Variants in FURIN observed in about 807,000 individuals in gnomAD.
The protein encoded by FURIN is furin, paired basic amino acid cleaving enzyme.
A neutral mutation model predicts 89.2 loss-of-function variants in FURIN; 18 were observed. That is an observed-to-expected ratio of 0.20 (90% CI 0.14 to 0.30). The LOEUF (loss-of-function observed/expected upper bound fraction) is 0.30, where lower values mean the gene tolerates loss of function less well. Ranked by LOEUF, FURIN falls within the 10% of genes least tolerant of loss-of-function variation. The pLI, the probability that FURIN is intolerant of heterozygous loss-of-function variation, is 1.00. For missense variants in FURIN, 879 were observed against 1,100.5 expected (o/e 0.80, Z 2.85); for synonymous variants, 508 against 466.4 (o/e 1.09, Z -1.15).
Position 90,881,229 on chromosome 15 carries a change from C to A in FURIN, c.1793-57C>A, listed in dbSNP as rs906556515. 1.6e-5 allele frequency: 23 copies of A among 1,397,628 alleles called. No homozygotes were observed. In the Middle Eastern group the frequency reaches 7.5e-4, roughly 45 times the overall value. 86.6% of individuals were successfully genotyped at this position (1,397,628 alleles called of 1,614,324 possible). ...TGACTTGGCTTGGGGCTGCTGTGGT[C>A]CTGGGGCTACAGTCTGTTTAGCTGA... is the stretch of plus-strand genomic sequence containing the variant. On this transcript the variant is annotated intron_variant, in intron 15 of 15. Transcript: ENST00000268171. This position sits in a 1 kb window ranked among gnomAD's most constrained non-coding sequence, Gnocchi z 4.3.
chr15:90,878,664 G>T, intron 8 of FURIN, 100 bp from the exon 9 acceptor site: 1 of 694,072 alleles, frequency 1.4e-6, no homozygotes, highest in Admixed American at 2.4e-5. Flanking sequence ...GAGGTTCCCA[G>T]AGAATGAGGC....
chr15:90,877,954 C>G (rs1039370741), intron 7 of FURIN, among the ~76,000 whole-genome samples, 178 bp from the exon 8 acceptor site: 5 of 152,162 alleles, frequency 3.3e-5, no homozygotes, highest in African/African-American at 1.2e-4. Flanking sequence ...TTCTCTGGGT[C>G]TTGTCTTTGA....
chr15:90,879,035 G>A, intron 9 of FURIN, 59 bp downstream of exon 9: 1 of 1,143,416 alleles, frequency 8.7e-7, no homozygotes, highest in Non-Finnish European at 1.3e-6. Context: ...GCTCTGTCCA[G>A]CACCCTCTTT....
In FURIN at chr15:90,880,136, G is replaced by A. The variant is rs147724958; in HGVS notation, c.1419G>A (p.Ala473=). 123 of 1,610,240 alleles carry A rather than the reference G, an allele frequency of 7.6e-5. No homozygotes were observed. The highest frequency in any genetic ancestry group is 9.3e-5 in the Non-Finnish European group (109 of 1,177,908). The change falls in exon 13 of 16, where the codon GCG becomes GCA. Residue 473 remains alanine, a synonymous_variant. Coordinates refer to ENST00000268171, the MANE Select transcript of FURIN (RefSeq NM_002569.4). ...KRLEVRKTVT[A]CLGEPNHITR... ...TCGAGGTGCGGAAGACCGTGACCGCGTGCCTGGGCGAGCCCAACCACATCA... is the reference window on the plus strand; with the variant it reads ...TCGAGGTGCGGAAGACCGTGACCGCATGCCTGGGCGAGCCCAACCACATCA...
In FURIN at chr15:90,876,525, A is replaced by G. The variant is rs1567083002; in HGVS notation, c.340A>G (p.Thr114Ala). ...TAAACGGGACGTGTACCAGGAGCCC[A>G]CAGACCCCAAGTTTCCTCAGCAGTG... is the stretch of plus-strand genomic sequence containing the variant. Reference protein sequence around the residue: ...RTKRDVYQEPTDPKFPQQWYL... With the variant: ...RTKRDVYQEPADPKFPQQWYL... The change falls in exon 4 of 16, where the codon ACA (threonine) becomes GCA (alanine). Residue 114 changes from threonine to alanine, a missense_variant. Transcript: ENST00000268171. This position sits in a 1 kb window ranked among gnomAD's most constrained non-coding sequence, Gnocchi z 5.0. 4 of 1,613,846 alleles carry G rather than the reference A, an allele frequency of 2.5e-6. No homozygotes were observed. The highest frequency in any genetic ancestry group is 3.4e-6 in the Non-Finnish European group (4 of 1,179,746).
chr15:90,873,920 C>T (rs933843955), intron 1 of FURIN, among the ~76,000 whole-genome samples: 1 of 152,196 alleles, frequency 6.6e-6, no homozygotes, highest in African/African-American at 2.4e-5. Flanking sequence ...TCAGGGAGGC[C>T]GGTTGTGTCT....
intron 1 of FURIN, 95 bp from the exon 2 acceptor site, chr15:90,875,487 G>T (rs958298857): frequency 2.5e-6 from 1 of 405,332 alleles, no homozygotes; most frequent in Middle Eastern, 6.1e-4. Context: ...CTCATTTCAG[G>T]CCCCAATTGA....
In FURIN at chr15:90,881,835, G is replaced by A. The variant is rs747081762; in HGVS notation, c.2342G>A (p.Arg781Gln). Residue 781 changes from arginine to glutamine, a missense_variant, in exon 16 of 16, where the codon CGG (arginine) becomes CAG (glutamine). Transcript: ENST00000268171. This position sits in a 1 kb window ranked among gnomAD's most constrained non-coding sequence, Gnocchi z 4.3. ...CPSDSEEDEG[R>Q]GERTAFIKDQ... is the part of the protein sequence containing the mutation. The stretch of plus-strand genomic sequence containing the variant: ...TCTGACTCAGAAGAGGACGAGGGCC[G>A]GGGCGAGAGGACCGCCTTTATCAAA... 42 of 1,613,016 alleles carry A rather than the reference G, an allele frequency of 2.6e-5. No homozygotes were observed. Among genetic ancestry groups the A allele is most frequent in the Admixed American group, 6.7e-5 (4 of 59,982 alleles).
chr15:90,882,525 G>A lies in FURIN; in HGVS notation c.*647G>A, dbSNP rs1432471090. ...CGCAGCCAAGGCCGAAGCTCTGGCT[G>A]AACCCTGTGCTGGTGTCCTGACCAC... On this transcript the variant is annotated 3_prime_UTR_variant, in exon 16 of 16. Transcript: ENST00000268171. The A allele has an allele frequency of 6.5e-6, 1 of 153,370 alleles. No individual in the cohort carries two copies. Among genetic ancestry groups the A allele is most frequent in the African/African-American group, 2.4e-5 (1 of 41,474 alleles). 9.5% of individuals were successfully genotyped at this position (153,370 alleles called of 1,614,324 possible). A position where few individuals can be genotyped will look rare whatever the true frequency, so the allele number is the denominator to read the frequency against.
At chr15:90,873,901 C>G (rs975504228) in intron 1 of FURIN, among the ~76,000 whole-genome samples, 2 of 152,228 alleles carry the variant, frequency 1.3e-5, no homozygotes, top group African/African-American at 4.8e-5. Context: ...CAGGGTGGGA[C>G]TGCAGCAGTC....
rs766218664 is a variant in FURIN, at chr15:90,879,564, C to T, written c.1154+20C>T. 3.7e-5 allele frequency: 58 copies of T among 1,576,230 alleles called. No homozygotes were observed. The highest frequency in any genetic ancestry group is 5.5e-5 in the South Asian group (5 of 90,344). On this transcript the variant is annotated intron_variant, in intron 10 of 15. Coordinates refer to ENST00000268171, the MANE Select transcript of FURIN (RefSeq NM_002569.4). ...GGCCAAGTAAGTGGGTGGGGGCCAG[C>T]GGCAACCCTGTCCCTACCAGCACTC...
chr15:90,869,186 C>A (rs934858184), intron 1 of FURIN, among the ~76,000 whole-genome samples: 1 of 152,182 alleles, frequency 6.6e-6, no homozygotes, highest in Non-Finnish European at 1.5e-5. Context: ...ACCCATCAGG[C>A]CCTGCTCCTC....
At chr15:90,875,488 C>A in intron 1 of FURIN, 94 bp from the exon 2 acceptor site, 1 of 409,324 alleles carries the variant, frequency 2.4e-6, no homozygotes, top group East Asian at 3.9e-5. Context: ...TCATTTCAGG[C>A]CCCAATTGAA....
rs182815379 is a variant in FURIN at position 90,876,152 on chromosome 15, C to T, written c.178-103C>T. The T allele has an allele frequency of 6.0e-5, 52 of 873,824 alleles. No individual in the cohort carries two copies. The highest frequency in any genetic ancestry group is 5.7e-4 in the African/African-American group (35 of 61,058). The allele number at this position is 873,824 out of a possible 1,614,324, so 54.1% of individuals were successfully genotyped here. On this transcript the variant is annotated intron_variant, in intron 2 of 15. Coordinates refer to ENST00000268171, the MANE Select transcript of FURIN (RefSeq NM_002569.4). This position sits in a 1 kb window ranked among gnomAD's most constrained non-coding sequence, Gnocchi z 5.0. Reference sequence around the variant, plus strand: ...ACAGGGAGCAGATGCCCCGCACCCCCGACCGTGGCGAGCCTCCCATGAAGC... The same window carrying T: ...ACAGGGAGCAGATGCCCCGCACCCCTGACCGTGGCGAGCCTCCCATGAAGC...
rs1308971802 is a variant in FURIN, at chr15:90,869,824, C to T, written c.-160+1113C>T. Among the ~76,000 whole-genome samples the T allele has an allele frequency of 2.6e-5, 4 of 152,330 alleles. No individual in the cohort carries two copies. The East Asian group carries it at 7.7e-4, about 29-fold the overall frequency. On this transcript the variant is annotated intron_variant, in intron 1 of 15. Coordinates refer to ENST00000268171, the MANE Select transcript of FURIN (RefSeq NM_002569.4). The stretch of plus-strand genomic sequence containing the variant: ...TTCTGGGCTGACCTTTCTTCTAGGC[C>T]TGAGGACAAGTGGGTAGGTGGGGCC...
rs1038451035 is a variant in FURIN at position 90,880,717 on chromosome 15, T to A, written c.1583T>A (p.Phe528Tyr). The change falls in exon 14 of 16, where the codon TTT becomes TAT. Residue 528 changes from phenylalanine (F) to tyrosine (Y), a missense_variant. Physicochemically the swap from Phe to Tyr is conservative, Grantham distance 22. Around this residue, in one of 5 missense-constraint regions of FURIN, gnomAD observed 457 missense variants for 490.7 expected, o/e 0.93. Transcript: ENST00000268171. ...CCACATGACTACTCCGCAGATGGGT[T>A]TAATGACTGGGCCTTCATGACAACT... ...ARPHDYSADG[F>Y]NDWAFMTTHS... 32 of 1,613,960 alleles carry A rather than the reference T, an allele frequency of 2.0e-5. No individual in the cohort carries two copies. Among genetic ancestry groups the A allele is most frequent in the Admixed American group, 8.3e-5 (5 of 59,978 alleles).
At chr15:90,879,353 C>A in intron 9 of FURIN, 91 bp from the exon 10 acceptor site, 3 of 958,004 alleles carry the variant, frequency 3.1e-6, no homozygotes, top group South Asian at 1.4e-5. Context: ...TCTGTGGTGC[C>A]CAGGGCCTGT....
At position 90,880,045 on chromosome 15, in the gene FURIN, C is replaced by A. The variant is rs200161738; in HGVS notation, c.1377-49C>A. Reference sequence around the variant, plus strand: ...GGACCTGAGAGTCGCAGGGGGTGCCCGCTGGTCCCTCTGGGCCAGGCTGAC... The same window carrying A: ...GGACCTGAGAGTCGCAGGGGGTGCCAGCTGGTCCCTCTGGGCCAGGCTGAC... On this transcript the variant is annotated intron_variant, in intron 12 of 15. Transcript: ENST00000268171. 3.7e-6 allele frequency: 6 copies of A among 1,604,496 alleles called. No homozygotes were observed. The African/African-American group carries it at 6.7e-5, about 18-fold the overall frequency.
At chr15:90,875,433 T>G in intron 1 of FURIN, 149 bp from the exon 2 acceptor site, 1 of 281,780 alleles carries the variant, frequency 3.5e-6, no homozygotes, top group Non-Finnish European at 6.6e-6. Flanking sequence ...GGGGGCTAGA[T>G]TTCTTCTGGG....
Sources: allele counts gnomAD v4.1 joint callset (sites outside exome capture counted in the v4.1 genomes callset), GRCh38; gene constraint gnomAD v4.1.1; regional missense constraint gnomAD v4.1.1; non-coding constraint Gnocchi (gnomAD v3.1); transcripts MANE v1.5; gene names NCBI Gene and HGNC (gene_info 2026-07-23, HGNC 2026-07-21).